Variants in LRBA observed in about 807,000 individuals in gnomAD.
The protein encoded by LRBA is LPS responsive beige-like anchor protein.
LRBA carries 176 observed loss-of-function variants against 330.0 expected under a neutral mutation model. That is an observed-to-expected ratio of 0.53 (90% CI 0.47 to 0.60). The LOEUF (loss-of-function observed/expected upper bound fraction) is 0.60. LRBA is among the 20% of genes least tolerant of loss of function. The pLI is 0.00. For synonymous variants in LRBA, 1,230 were observed against 1,193.0 expected (o/e 1.03, Z -0.64); for missense variants, 3,259 against 3,444.8 (o/e 0.95, Z 1.35).
intron 2 of LRBA, among the ~76,000 whole-genome samples, chr4:150,945,648 A>C (rs1736159497): frequency 6.6e-6 from 1 of 152,200 alleles, no homozygotes; most frequent in Non-Finnish European, 1.5e-5. Context: ...AAGTATATTA[A>C]CATCATATAT....
At position 150,852,514 on chromosome 4, in the gene LRBA, T is replaced by C. The variant is rs1158192306; in HGVS notation, c.3196A>G (p.Ile1066Val). The stretch of plus-strand genomic sequence containing the variant: ...GTCATTGAATCTTTGCCAGTTGTTA[T>C]AAAAGAATTAGAGGAAATAGCCACA... ...EAVAISSNSFITTGKDSMTVS... is the reference protein window; with the variant it reads ...EAVAISSNSFVTTGKDSMTVS... Residue 1066 changes from isoleucine to valine, a missense_variant, in exon 23 of 57, where the codon ATA becomes GTA. Ile to Val is a conservative substitution (Grantham distance 29). Coordinates refer to ENST00000651943, the MANE Select transcript of LRBA (RefSeq NM_001364905.1). The C allele has an allele frequency of 1.2e-6, 2 of 1,613,824 alleles. No individual in the cohort carries two copies. The highest frequency in any genetic ancestry group is 1.1e-5 in the South Asian group (1 of 91,068).
chr4:150,578,445 T>G (rs1234315586), intron 40 of LRBA, among the ~76,000 whole-genome samples: 2 of 152,184 alleles, frequency 1.3e-5, no homozygotes, highest in African/African-American at 4.8e-5. Flanking sequence ...AATTTTTTAT[T>G]TCCAAGTTTC....
chr4:150,952,587 G>A (rs982647200), intron 2 of LRBA, among the ~76,000 whole-genome samples: 1 of 152,072 alleles, frequency 6.6e-6, no homozygotes, highest in Non-Finnish European at 1.5e-5. Flanking sequence ...GTCTGTCAAT[G>A]TCTGCCTGAG....
rs552642659 is a variant in LRBA, at chr4:150,831,814, T to C, written c.4729+3A>G. On this transcript the variant is annotated splice_donor_region_variant and intron_variant, in intron 29 of 56. Transcript: ENST00000651943. ...TACAAAGGAATAGAAAATGCAAACTTACCAGAGAGTGATACATTCTCATTT... is the reference window on the plus strand; with the variant it reads ...TACAAAGGAATAGAAAATGCAAACTCACCAGAGAGTGATACATTCTCATTT... The C allele has an allele frequency of 1.9e-6, 3 of 1,580,276 alleles. No individual in the cohort carries two copies. In the East Asian group the frequency reaches 6.9e-5, roughly 36 times the overall value.
intron 22 of LRBA, among the ~76,000 whole-genome samples, chr4:150,855,022 C>G (rs1045576675): frequency 2.0e-5 from 3 of 152,128 alleles, no homozygotes; most frequent in Non-Finnish European, 4.4e-5. Context: ...CTTTAGGAGT[C>G]CAAGGTGGGC....
At chr4:150,488,269 C>G (rs1019683489) in intron 41 of LRBA, among the ~76,000 whole-genome samples, 1 of 151,590 alleles carries the variant, frequency 6.6e-6, no homozygotes, top group African/African-American at 2.4e-5. Flanking sequence ...AGTTAAACAA[C>G]TAACACTAAA....
At chr4:150,897,437 G>A (rs1730210421) in intron 15 of LRBA, among the ~76,000 whole-genome samples, 1 of 151,984 alleles carries the variant, frequency 6.6e-6, no homozygotes, top group Non-Finnish European at 1.5e-5. Flanking sequence ...ACCTCCTTCA[G>A]GAGTTTAGTG....
chr4:150,667,657 T>C (rs1213084660), intron 37 of LRBA, among the ~76,000 whole-genome samples: 2 of 152,162 alleles, frequency 1.3e-5, no homozygotes, highest in African/African-American at 4.8e-5. Context: ...CCCTCAGGAA[T>C]AGAATTAGTG....
chr4:150,571,795 G>C (rs1047594867), intron 40 of LRBA, among the ~76,000 whole-genome samples: 1 of 149,826 alleles, frequency 6.7e-6, no homozygotes, highest in Admixed American at 6.7e-5. Context: ...TGTTAAACAA[G>C]ATATCATAGC....
chr4:150,613,393 G>T (rs9999828), intron 37 of LRBA, among the ~76,000 whole-genome samples: 6 of 152,062 alleles, frequency 3.9e-5, no homozygotes, highest in African/African-American at 9.7e-5. Flanking sequence ...AGAGTTAACA[G>T]ATGTTAACCA....
intron 2 of LRBA, among the ~76,000 whole-genome samples, chr4:150,999,364 C>G (rs7441379): frequency 0.02 from 3,033 of 152,074 alleles, 42 homozygotes; most frequent in Middle Eastern, 0.065. Flanking sequence ...TTCCTCTCCC[C>G]CACAAAAAAA....
chr4:150,716,951 C>CT (rs1423022978), intron 36 of LRBA, among the ~76,000 whole-genome samples: 3 of 152,212 alleles, frequency 2.0e-5, no homozygotes, highest in African/African-American at 7.2e-5. Context: ...CACATTCTCT[C>CT]AATCTACCTT....
intron 47 of LRBA, among the ~76,000 whole-genome samples, chr4:150,391,992 A>C (rs1233490541): frequency 6.6e-6 from 1 of 151,792 alleles, no homozygotes; most frequent in African/African-American, 2.4e-5. Context: ...AAAAAAAAAA[A>C]AAAAAACTTT....
chr4:150,644,710 G>A (rs1293296279), intron 37 of LRBA, among the ~76,000 whole-genome samples: 2 of 151,824 alleles, frequency 1.3e-5, no homozygotes, highest in Non-Finnish European at 2.9e-5. Context: ...ATTGAAAAAC[G>A]AGCCTCTGAA....
chr4:150,559,919 TAA>T, intron 40 of LRBA, among the ~76,000 whole-genome samples: 6 of 70,450 alleles, frequency 8.5e-5, no homozygotes, highest in Admixed American at 2.4e-4. Context: ...ATATAATATA[TAA>T]ATATAAATAT....
At chr4:150,877,416 AG>A (rs1754170836) in intron 17 of LRBA, among the ~76,000 whole-genome samples, 1 of 152,204 alleles carries the variant, frequency 6.6e-6, no homozygotes, top group Non-Finnish European at 1.5e-5. Flanking sequence ...AACTATCAAG[AG>A]TTAAAAAGGA....
chr4:150,621,309 A>G (rs541778144), intron 37 of LRBA, among the ~76,000 whole-genome samples: 6 of 152,242 alleles, frequency 3.9e-5, no homozygotes, highest in African/African-American at 9.6e-5. Context: ...TAGGAGTTGT[A>G]TTTTTAAAAA....
intron 48 of LRBA, among the ~76,000 whole-genome samples, chr4:150,333,177 A>G (rs865917517): frequency 1.6e-4 from 25 of 152,282 alleles, no homozygotes; most frequent in Middle Eastern, 6.8e-3. Flanking sequence ...TTTTAATCTA[A>G]CTGAGGAAAC....
intron 30 of LRBA, among the ~76,000 whole-genome samples, chr4:150,819,903 C>A (rs1408427594): frequency 6.6e-6 from 1 of 152,004 alleles, no homozygotes; most frequent in Non-Finnish European, 1.5e-5. Context: ...ATCAGAAGTA[C>A]GGCTTTCTAC....
Sources: allele counts gnomAD v4.1 joint callset (sites outside exome capture counted in the v4.1 genomes callset), GRCh38; gene constraint gnomAD v4.1.1; transcripts MANE v1.5; gene names NCBI Gene and HGNC (gene_info 2026-07-23, HGNC 2026-07-21).